Variants in TMEM178B observed in about 807,000 individuals in gnomAD.
The protein encoded by TMEM178B is transmembrane protein 178B.
Under a neutral mutation model 31.0 loss-of-function variants are expected in TMEM178B, and 5 were observed. The observed-to-expected ratio is 0.16, with a 90% CI of 0.08 to 0.34. The LOEUF (loss-of-function observed/expected upper bound fraction) is 0.34. TMEM178B is among the 10% of genes least tolerant of loss of function. TMEM178B has a pLI of 1.00. For synonymous variants in TMEM178B, 164 were observed against 164.0 expected, an observed-to-expected ratio of 1.00 and a Z score of 0.00; for missense variants, 275 against 400.3, an observed-to-expected ratio of 0.69 and a Z score of 2.67.
At chr7:141,326,948 CT>C (rs1288159549) in intron 2 of TMEM178B, among the ~76,000 whole-genome samples, 3 of 152,110 alleles carry the variant, frequency 2.0e-5, no homozygotes, top group Non-Finnish European at 2.9e-5. Flanking sequence ...TTTAATTTAA[CT>C]CACATTTAAA....
the TMEM178B span, among the ~76,000 whole-genome samples, chr7:141,496,199 T>G: frequency 6.6e-6 from 1 of 152,090 alleles, no homozygotes; most frequent in Non-Finnish European, 1.5e-5. Context: ...CTCTTGAAAT[T>G]TTCCCCTTAT....
chr7:141,499,672 A>T, the TMEM178B span, among the ~76,000 whole-genome samples: 20,115 of 151,872 alleles, frequency 0.13, 4,087 homozygotes, highest in African/African-American at 0.44. Context: ...ACAAAAGATA[A>T]GTATATCAAA....
intron 2 of TMEM178B, among the ~76,000 whole-genome samples, chr7:141,385,400 G>A (rs981567702): frequency 2.4e-4 from 37 of 152,290 alleles, no homozygotes; most frequent in African/African-American, 8.9e-4. Context: ...CTGTAAGCAC[G>A]ATGGGGATTC....
At chr7:141,401,106 T>G (rs535053927) in intron 2 of TMEM178B, among the ~76,000 whole-genome samples, 5 of 152,308 alleles carry the variant, frequency 3.3e-5, no homozygotes, top group African/African-American at 9.6e-5. Context: ...GAGCCTCTTC[T>G]TCATCCTCAG....
intron 2 of TMEM178B, among the ~76,000 whole-genome samples, chr7:141,324,456 T>A: frequency 9.1e-6 from 1 of 110,460 alleles, no homozygotes; most frequent in African/African-American, 3.4e-5. Flanking sequence ...TTTTTTTTCC[T>A]GAGCGATTGA....
intron 1 of TMEM178B, among the ~76,000 whole-genome samples, chr7:141,198,950 T>C (rs957385964): frequency 6.6e-6 from 1 of 152,194 alleles, no homozygotes; most frequent in Non-Finnish European, 1.5e-5. Flanking sequence ...GATTATTTAC[T>C]ACACACCAGA....
At chr7:141,333,987 C>T (rs941149482) in intron 2 of TMEM178B, among the ~76,000 whole-genome samples, 2 of 152,286 alleles carry the variant, frequency 1.3e-5, no homozygotes, top group South Asian at 2.1e-4. Flanking sequence ...CTGTGGGGCC[C>T]GCTTCCTAAC....
At chr7:141,306,940 G>A (rs747814317) in intron 2 of TMEM178B, among the ~76,000 whole-genome samples, 1 of 152,052 alleles carries the variant, frequency 6.6e-6, no homozygotes, top group Non-Finnish European at 1.5e-5. Flanking sequence ...ACACAATTTA[G>A]TACTTAATTA....
At chr7:141,333,819 T>A (rs750954386) in intron 2 of TMEM178B, among the ~76,000 whole-genome samples, 1 of 152,216 alleles carries the variant, frequency 6.6e-6, no homozygotes, top group African/African-American at 2.4e-5. Flanking sequence ...AGGTATTAGT[T>A]AGAGTTTCTA....
At chr7:141,458,628 T>C (rs758377280) in intron 3 of TMEM178B, among the ~76,000 whole-genome samples, 1 of 152,202 alleles carries the variant, frequency 6.6e-6, no homozygotes, top group Non-Finnish European at 1.5e-5. Context: ...ACATTTTTTT[T>C]TTGTCCTTGA....
At chr7:141,271,482 C>A (rs1435775208) in intron 2 of TMEM178B, among the ~76,000 whole-genome samples, 9 of 152,174 alleles carry the variant, frequency 5.9e-5, no homozygotes, top group African/African-American at 2.2e-4. Flanking sequence ...TCATGCTCAT[C>A]ATGAGATGGG....
intron 2 of TMEM178B, among the ~76,000 whole-genome samples, chr7:141,286,630 T>TA (rs1205753575): frequency 6.6e-6 from 1 of 152,152 alleles, no homozygotes; most frequent in Non-Finnish European, 1.5e-5. Flanking sequence ...GAATCACACT[T>TA]ACCACTGGTC....
chr7:141,105,274 G>A (rs1308715938), intron 1 of TMEM178B, among the ~76,000 whole-genome samples: 1 of 152,136 alleles, frequency 6.6e-6, no homozygotes, highest in Non-Finnish European at 1.5e-5. Context: ...TTTGGAGGCC[G>A]AGGTGGGCGG....
At chr7:141,360,363 A>C (rs1483153574) in intron 2 of TMEM178B, among the ~76,000 whole-genome samples, 1 of 152,232 alleles carries the variant, frequency 6.6e-6, no homozygotes. Flanking sequence ...GCCTCCATGC[A>C]TCAAAGGATA....
At chr7:141,201,575 A>G (rs1219516021) in intron 1 of TMEM178B, among the ~76,000 whole-genome samples, 1 of 152,134 alleles carries the variant, frequency 6.6e-6, no homozygotes, top group Admixed American at 6.5e-5. Flanking sequence ...GTGTGCTATT[A>G]TTACCATCAG....
intron 1 of TMEM178B, among the ~76,000 whole-genome samples, chr7:141,145,898 G>A (rs1795842727): frequency 6.6e-6 from 1 of 152,168 alleles, no homozygotes; most frequent in Admixed American, 6.5e-5. Flanking sequence ...CACTATACAT[G>A]CCAGAGGGCT....
At chr7:141,227,795 C>T (rs6961618) in intron 2 of TMEM178B, among the ~76,000 whole-genome samples, 3,996 of 152,222 alleles carry the variant, frequency 0.026, 124 homozygotes, top group African/African-American at 0.078. Flanking sequence ...TTTTAGGGGA[C>T]AGCAGGGATT....
intron 1 of TMEM178B, among the ~76,000 whole-genome samples, chr7:141,191,127 G>A (rs1294893420): frequency 1.3e-5 from 2 of 152,144 alleles, no homozygotes; most frequent in Non-Finnish European, 2.9e-5. Context: ...AGAACTTATC[G>A]TATATATTAC....
At chr7:141,325,892 T>C (rs1227610085) in intron 2 of TMEM178B, among the ~76,000 whole-genome samples, 2 of 152,150 alleles carry the variant, frequency 1.3e-5, no homozygotes, top group Non-Finnish European at 2.9e-5. Context: ...CCTTGTAGGT[T>C]TAGTCCTGGG....
Sources: gnomAD v4.1 joint callset for allele counts (sites outside exome capture counted in the v4.1 genomes callset) on GRCh38, gnomAD v4.1.1 for gene constraint, MANE v1.5 for transcripts, NCBI Gene and HGNC (gene_info 2026-07-23, HGNC 2026-07-21) for gene names.